The following MARCHF1 variants were observed in gnomAD, a reference collection of about 807,000 sequenced individuals.
The protein encoded by MARCHF1 is membrane associated ring-CH-type finger 1.
In MARCHF1, 40 loss-of-function variants were observed where a neutral mutation model predicts 54.2. The ratio of observed to expected loss-of-function variants is 0.74; its 90% CI spans 0.57 to 0.96. The LOEUF is 0.96. Among genes scored for constraint, MARCHF1 ranks in the 40% least tolerant of loss-of-function variants. The pLI, the probability that MARCHF1 is intolerant of heterozygous loss-of-function variation, is 0.00. For synonymous variants in MARCHF1, 236 were observed against 236.3 expected (o/e 1.00, Z 0.01); for missense variants, 586 against 656.5 (o/e 0.89, Z 1.17).
At chr4:164,250,222 T>C (rs376067514) in intron 1 of MARCHF1, among the ~76,000 whole-genome samples, 2 of 152,218 alleles carry the variant, frequency 1.3e-5, no homozygotes, top group East Asian at 3.9e-4. Context: ...TCATTATGTT[T>C]TAGAATGTCA....
chr4:163,959,412 C>T (rs1327566292), intron 3 of MARCHF1, among the ~76,000 whole-genome samples: 1 of 151,560 alleles, frequency 6.6e-6, no homozygotes, highest in African/African-American at 2.4e-5. Context: ...CATCTTCAAA[C>T]TATACTACAG....
chr4:163,958,171 T>G (rs1345030508), intron 3 of MARCHF1, among the ~76,000 whole-genome samples: 3 of 151,946 alleles, frequency 2.0e-5, no homozygotes, highest in Non-Finnish European at 4.4e-5. Context: ...AAATTTTACC[T>G]TCTCTGACAG....
At chr4:163,580,149 G>T (rs566779041) in intron 8 of MARCHF1, among the ~76,000 whole-genome samples, 4 of 151,894 alleles carry the variant, frequency 2.6e-5, no homozygotes, top group African/African-American at 9.7e-5. Context: ...CATGATCTTG[G>T]CTCACTGCAA....
intron 2 of MARCHF1, among the ~76,000 whole-genome samples, chr4:164,076,976 A>G (rs996926921): frequency 6.6e-6 from 1 of 152,222 alleles, no homozygotes; most frequent in African/African-American, 2.4e-5. Flanking sequence ...TATAGATTCA[A>G]TAATATCCCC....
intron 5 of MARCHF1, among the ~76,000 whole-genome samples, chr4:163,698,676 GCAT>G: frequency 6.6e-6 from 1 of 152,084 alleles, no homozygotes; most frequent in East Asian, 1.9e-4. Context: ...ATTTCTTAAA[GCAT>G]TAAATACTAA....
chr4:164,058,136 G>C (rs567332579), intron 2 of MARCHF1, among the ~76,000 whole-genome samples: 2 of 152,230 alleles, frequency 1.3e-5, no homozygotes, highest in South Asian at 2.1e-4. Context: ...TTGGGGGCTA[G>C]GGGAGGGATA....
At chr4:164,275,282 G>GT (rs1394093031) in intron 1 of MARCHF1, among the ~76,000 whole-genome samples, 5 of 152,140 alleles carry the variant, frequency 3.3e-5, no homozygotes, top group Non-Finnish European at 7.3e-5. Flanking sequence ...CCTAGAAACT[G>GT]TTTTCCTCGT....
At chr4:164,190,142 T>C (rs1158130009) in intron 1 of MARCHF1, 10 of 1,551,532 alleles carry the variant, frequency 6.4e-6, no homozygotes, top group Non-Finnish European at 8.7e-6. Flanking sequence ...CCTCTGAAGA[T>C]AAGGAGACCA....
intron 2 of MARCHF1, among the ~76,000 whole-genome samples, chr4:164,073,679 C>T (rs1404766919): frequency 6.6e-6 from 1 of 151,966 alleles, no homozygotes; most frequent in East Asian, 1.9e-4. Flanking sequence ...AATATAAAGG[C>T]CTCTGAATAC....
At chr4:164,046,488 ATTAT>A (rs1252413203) in intron 2 of MARCHF1, among the ~76,000 whole-genome samples, 6 of 152,352 alleles carry the variant, frequency 3.9e-5, no homozygotes, top group South Asian at 2.1e-4. Flanking sequence ...TCTGACACTA[ATTAT>A]TGGTATTTCT....
chr4:164,087,049 A>G (rs1755206085), intron 2 of MARCHF1, among the ~76,000 whole-genome samples: 1 of 152,244 alleles, frequency 6.6e-6, no homozygotes, highest in Admixed American at 6.5e-5. Flanking sequence ...AATATGTTTT[A>G]GTAATCCTAG....
chr4:163,685,376 G>A (rs543528102), intron 5 of MARCHF1, among the ~76,000 whole-genome samples: 39 of 152,012 alleles, frequency 2.6e-4, no homozygotes, highest in Non-Finnish European at 5.0e-4. Context: ...AACCCAAATA[G>A]TTTACTATTG....
intron 4 of MARCHF1, among the ~76,000 whole-genome samples, chr4:163,702,937 G>A (rs770965993): frequency 5.9e-5 from 9 of 152,146 alleles, no homozygotes; most frequent in Non-Finnish European, 1.0e-4. Flanking sequence ...AGTGGTGTAC[G>A]CTATGCTGTG....
At chr4:163,712,784 G>A (rs2111260624) in intron 4 of MARCHF1, among the ~76,000 whole-genome samples, 1 of 152,256 alleles carries the variant, frequency 6.6e-6, no homozygotes, top group South Asian at 2.1e-4. Flanking sequence ...TACTGCCTGT[G>A]TTTCAGGTTT....
At chr4:164,125,543 C>T (rs1756161487) in intron 1 of MARCHF1, among the ~76,000 whole-genome samples, 1 of 152,138 alleles carries the variant, frequency 6.6e-6, no homozygotes, top group South Asian at 2.1e-4. Context: ...AAAATCACTC[C>T]TGAAATGATT....
At chr4:164,232,075 G>A (rs1419907711) in intron 1 of MARCHF1, among the ~76,000 whole-genome samples, 1 of 152,080 alleles carries the variant, frequency 6.6e-6, no homozygotes, top group Non-Finnish European at 1.5e-5. Flanking sequence ...CTAAAGAAAA[G>A]AAGGCAGCCA....
intron 1 of MARCHF1, among the ~76,000 whole-genome samples, chr4:164,134,681 AG>A (rs1756366024): frequency 6.6e-6 from 1 of 152,138 alleles, no homozygotes; most frequent in Non-Finnish European, 1.5e-5. Context: ...GCTTCCAAGG[AG>A]GAGACCTGAG....
At chr4:164,339,983 A>G (rs1459549069) in intron 1 of MARCHF1, among the ~76,000 whole-genome samples, 1 of 152,152 alleles carries the variant, frequency 6.6e-6, no homozygotes, top group Non-Finnish European at 1.5e-5. Flanking sequence ...CTTCCTAGAT[A>G]TACACAATCT....
At chr4:164,268,849 GA>G (rs1341084260) in intron 1 of MARCHF1, among the ~76,000 whole-genome samples, 2 of 152,062 alleles carry the variant, frequency 1.3e-5, no homozygotes, top group African/African-American at 4.8e-5. Flanking sequence ...GTTATTTGAA[GA>G]AAAAAGCAAT....
Sources: gnomAD v4.1 joint callset for allele counts (sites outside exome capture counted in the v4.1 genomes callset) on GRCh38, gnomAD v4.1.1 for gene constraint, MANE v1.5 for transcripts, NCBI Gene and HGNC (gene_info 2026-07-23, HGNC 2026-07-21) for gene names.